TCF12: variants seen among roughly 807,000 people sequenced by gnomAD.
TCF12 encodes transcription factor 12.
TCF12 carries 45 observed loss-of-function variants against 86.0 expected under a neutral mutation model. The ratio of observed to expected loss-of-function variants is 0.52; its 90% CI spans 0.41 to 0.67. The LOEUF is 0.67. Among genes scored for constraint, TCF12 ranks in the 30% least tolerant of loss-of-function variants. The probability of loss-of-function intolerance (pLI) is 0.00; values close to 1 mark genes in which losing one functional copy is unlikely to be tolerated. For missense variants in TCF12, 881 were observed against 859.9 expected, an observed-to-expected ratio of 1.02 and a Z score of -0.31; for synonymous variants, 330 against 299.6, an observed-to-expected ratio of 1.10 and a Z score of -1.05.
At chr15:56,976,558 TATAAA>T (rs1247395546) in intron 3 of TCF12, among the ~76,000 whole-genome samples, 2 of 152,040 alleles carry the variant, frequency 1.3e-5, no homozygotes, top group Admixed American at 1.3e-4. Flanking sequence ...AGGAAGGAAT[TATAAA>T]ATTATAATGT....
intron 3 of TCF12, among the ~76,000 whole-genome samples, chr15:56,951,506 T>A (rs1260082741): frequency 6.6e-6 from 1 of 152,228 alleles, no homozygotes; most frequent in African/African-American, 2.4e-5. Context: ...CTTTTCATTC[T>A]CTAAACAGTG....
intron 3 of TCF12, among the ~76,000 whole-genome samples, chr15:57,028,122 C>T (rs2065929710): frequency 6.6e-6 from 1 of 152,112 alleles, no homozygotes; most frequent in African/African-American, 2.4e-5. Context: ...CATCACCACA[C>T]CCAGCTAGTT....
In TCF12 at chr15:57,127,216, T is replaced by C. The variant is rs537742091; in HGVS notation, c.325+35325T>C. 6.8e-4 allele frequency among the ~76,000 whole-genome samples: 104 copies of C among 152,088 alleles called. 1 individual carries two copies. The highest frequency in any genetic ancestry group is 2.3e-3 in the African/African-American group (96 of 41,518). ...CAGGCTGGTCTCGAACTCCTGACCTTAGGTGATCCATTCATCTTGGCCTCC... is the reference window on the plus strand; with the variant it reads ...CAGGCTGGTCTCGAACTCCTGACCTCAGGTGATCCATTCATCTTGGCCTCC... On this transcript the variant is annotated intron_variant, in intron 5 of 20. Transcript: ENST00000333725.
chr15:56,981,931 G>C (rs1342004032), intron 3 of TCF12, among the ~76,000 whole-genome samples: 3 of 152,100 alleles, frequency 2.0e-5, no homozygotes, highest in Non-Finnish European at 4.4e-5. Context: ...CGCAGAGGTG[G>C]AAGGGGCAGA....
intron 3 of TCF12, among the ~76,000 whole-genome samples, chr15:57,048,764 TG>T (rs1339249717): frequency 6.6e-6 from 1 of 152,158 alleles, no homozygotes; most frequent in Non-Finnish European, 1.5e-5. Flanking sequence ...CCCACAAGAA[TG>T]TGAGTAAAAC....
chr15:57,180,520 T>C (rs2056261307), intron 6 of TCF12, among the ~76,000 whole-genome samples: 1 of 152,162 alleles, frequency 6.6e-6, no homozygotes, highest in Admixed American at 6.5e-5. Context: ...TTTATACCTT[T>C]CTATTCCTTT....
In TCF12 at chr15:57,287,158, G is replaced by C. The variant is rs1293493232; in HGVS notation, c.*1013G>C. 1 of 154,060 alleles carries C rather than the reference G, an allele frequency of 6.5e-6. No individual in the cohort carries two copies. The highest frequency in any genetic ancestry group is 1.4e-5 in the Non-Finnish European group (1 of 68,986). 9.5% of individuals were successfully genotyped at this position (154,060 alleles called of 1,614,324 possible). A position where few individuals can be genotyped will look rare whatever the true frequency, so the allele number is the denominator to read the frequency against. Reference sequence around the variant, plus strand: ...GTACTACATACAGTACTTGTAAAGTGTTAGCTGTAAGTAAGCACAAAATAC... The same window carrying C: ...GTACTACATACAGTACTTGTAAAGTCTTAGCTGTAAGTAAGCACAAAATAC... On this transcript the variant is annotated 3_prime_UTR_variant, in exon 21 of 21. Transcript: ENST00000333725.
intron 3 of TCF12, among the ~76,000 whole-genome samples, chr15:57,042,162 A>C (rs966785548): frequency 2.0e-5 from 3 of 151,914 alleles, no homozygotes; most frequent in African/African-American, 7.3e-5. Flanking sequence ...CTTGTTGCCC[A>C]GGCTGGAGTG....
chr15:57,243,320 A>T, intron 12 of TCF12, 152 bp from the exon 13 acceptor site: 6 of 568,052 alleles, frequency 1.1e-5, no homozygotes, highest in Non-Finnish European at 1.8e-5. Context: ...AGGCTTCTGT[A>T]TGATGAAACA....
chr15:56,931,799 T>G (rs2060259733), intron 3 of TCF12, among the ~76,000 whole-genome samples: 1 of 152,196 alleles, frequency 6.6e-6, no homozygotes, highest in African/African-American at 2.4e-5. Flanking sequence ...TAATGAAGTG[T>G]GTAATAAACT....
intron 4 of TCF12, chr15:57,072,685 A>C: frequency 7.6e-7 from 1 of 1,307,874 alleles, no homozygotes; most frequent in Non-Finnish European, 1.0e-6. Flanking sequence ...GTTAAATAGC[A>C]AAGCAAGACA....
At chr15:56,918,336 C>T, upstream of TCF12, 1 of 445,262 alleles carries the variant, frequency 2.2e-6, no homozygotes, top group Non-Finnish European at 4.5e-6. Context: ...ACCAGCAAGA[C>T]CAACGCGAGG....
chr15:57,247,606 C>A, intron 13 of TCF12: 1 of 819,588 alleles, frequency 1.2e-6, no homozygotes, highest in Admixed American at 1.7e-5. Context: ...TCTTGCCATA[C>A]TTTTCAAAGT....
At chr15:57,211,415 T>G (rs1255841484) in intron 8 of TCF12, among the ~76,000 whole-genome samples, 11 of 151,742 alleles carry the variant, frequency 7.2e-5, no homozygotes, top group South Asian at 2.1e-4. Context: ...ACTTTAAAAA[T>G]AAAAAGAAAA....
intron 12 of TCF12, among the ~76,000 whole-genome samples, chr15:57,242,077 A>G (rs778038940): frequency 1.3e-5 from 2 of 152,042 alleles, no homozygotes; most frequent in Non-Finnish European, 2.9e-5. Flanking sequence ...GCTTTGTCAA[A>G]TCTTGAAAGA....
chr15:57,092,512 C>T (rs187626552), intron 5 of TCF12, among the ~76,000 whole-genome samples: 1 of 152,222 alleles, frequency 6.6e-6, no homozygotes, highest in East Asian at 1.9e-4. Context: ...AAACACCCCT[C>T]CTTTCCTTTC....
At chr15:56,979,117 G>A (rs1377624868) in intron 3 of TCF12, among the ~76,000 whole-genome samples, 1 of 152,006 alleles carries the variant, frequency 6.6e-6, no homozygotes, top group Non-Finnish European at 1.5e-5. Context: ...TTGTTTTCTT[G>A]TTTACTTTGA....
chr15:57,013,661 C>T (rs757648695), intron 3 of TCF12, among the ~76,000 whole-genome samples: 6 of 152,070 alleles, frequency 3.9e-5, no homozygotes, highest in East Asian at 1.9e-4. Context: ...CATGAAGATC[C>T]GAGCCTGAAA....
chr15:57,022,214 C>G (rs1167239025), intron 3 of TCF12, among the ~76,000 whole-genome samples: 1 of 152,024 alleles, frequency 6.6e-6, no homozygotes, highest in Non-Finnish European at 1.5e-5. Context: ...CTGTCCCTCC[C>G]CCAGCTCCCC....
Sources: allele counts gnomAD v4.1 joint callset (sites outside exome capture counted in the v4.1 genomes callset), GRCh38; gene constraint gnomAD v4.1.1; transcripts MANE v1.5; gene names NCBI Gene and HGNC (gene_info 2026-07-23, HGNC 2026-07-21).